Variants in FHL2 observed in about 807,000 individuals in gnomAD.
The protein encoded by FHL2 is four and a half LIM domains protein 2.
Under a neutral mutation model 32.7 loss-of-function variants are expected in FHL2, and 20 were observed. The observed-to-expected ratio is 0.61, with a 90% CI of 0.43 to 0.89. The LOEUF (loss-of-function observed/expected upper bound fraction) is 0.89, where lower values mean the gene tolerates loss of function less well. FHL2 is among the 40% of genes least tolerant of loss of function. FHL2 has a pLI of 0.00. For missense variants in FHL2, 311 were observed against 358.6 expected, an observed-to-expected ratio of 0.87 and a Z score of 1.07; for synonymous variants, 123 against 128.1, an observed-to-expected ratio of 0.96 and a Z score of 0.27.
At chr2:105,425,217 T>C (rs1249293161) in intron 1 of FHL2, among the ~76,000 whole-genome samples, 1 of 115,648 alleles carries the variant, frequency 8.6e-6, no homozygotes, top group Non-Finnish European at 1.7e-5. Context: ...AAACATGTGT[T>C]GTATAAAATC....
At chr2:105,363,550 A>G (rs766470646) in intron 5 of FHL2, 79 bp from the exon 6 acceptor site, 1 of 1,324,182 alleles carries the variant, frequency 7.6e-7, no homozygotes, top group Non-Finnish European at 1.0e-6. Context: ...CCACTGGACG[A>G]TGCAAGATCC....
intron 1 of FHL2, among the ~76,000 whole-genome samples, chr2:105,432,468 A>T (rs1397670167): frequency 6.6e-6 from 1 of 152,220 alleles, no homozygotes; most frequent in Non-Finnish European, 1.5e-5. Context: ...AAGGAAAGAG[A>T]CTATCCTCTC....
intron 1 of FHL2, among the ~76,000 whole-genome samples, chr2:105,397,525 TA>T (rs1218387827): frequency 2.6e-5 from 4 of 152,182 alleles, no homozygotes; most frequent in Non-Finnish European, 1.5e-5. Flanking sequence ...CGGCATCCCC[TA>T]GCCTACTGCA....
At chr2:105,408,394 T>TC (rs1341661486) in intron 1 of FHL2, among the ~76,000 whole-genome samples, 1 of 152,198 alleles carries the variant, frequency 6.6e-6, no homozygotes, top group East Asian at 1.9e-4. Flanking sequence ...AGTCATGTAA[T>TC]CCTAATGTTG....
rs150409196 is a variant in FHL2, at chr2:105,419,159, C to T, written c.-25+19240G>A. On this transcript the variant is annotated intron_variant, in intron 1 of 5. Coordinates refer to the FHL2 transcript ENST00000393352. ...CACTGGAGAATCAAAATATGCCAAACCAAAATATGTCACACCAGAATATGC... is the reference window on the plus strand; with the variant it reads ...CACTGGAGAATCAAAATATGCCAAATCAAAATATGTCACACCAGAATATGC... Among the ~76,000 whole-genome samples the T allele has an allele frequency of 2.1e-3, 314 of 152,272 alleles. 3 individuals carry two copies. Among genetic ancestry groups the T allele is most frequent in the African/African-American group, 7.2e-3 (299 of 41,566 alleles).
At chr2:105,364,448 C>T (rs1680496364) in intron 5 of FHL2, among the ~76,000 whole-genome samples, 1 of 152,192 alleles carries the variant, frequency 6.6e-6, no homozygotes, top group African/African-American at 2.4e-5. Context: ...AGCTGGATGC[C>T]TTCATTCTCA....
intron 5 of FHL2, among the ~76,000 whole-genome samples, chr2:105,366,107 G>A (rs1680614529): frequency 6.6e-6 from 1 of 152,062 alleles, no homozygotes; most frequent in African/African-American, 2.4e-5. Context: ...TACTTGGGAG[G>A]CTGAGGCAGG....
chr2:105,400,355 C>G (rs76276545), upstream of FHL2, among the ~76,000 whole-genome samples: 1 of 152,068 alleles, frequency 6.6e-6, no homozygotes, highest in African/African-American at 2.4e-5. Context: ...ACTAGATGTG[C>G]GGAATACAGC....
At chr2:105,423,481 G>C (rs543502237) in intron 1 of FHL2, among the ~76,000 whole-genome samples, 3 of 152,258 alleles carry the variant, frequency 2.0e-5, no homozygotes, top group Admixed American at 6.5e-5. Context: ...TTAGCTATTT[G>C]ATAGACAACA....
chr2:105,414,007 C>T (rs933526346), intron 1 of FHL2, among the ~76,000 whole-genome samples: 1 of 152,192 alleles, frequency 6.6e-6, no homozygotes, highest in East Asian at 1.9e-4. Context: ...ATGCCGCTTG[C>T]AAATAGTAGG....
chr2:105,381,953 C>T (rs1681929551), intron 3 of FHL2, among the ~76,000 whole-genome samples: 1 of 152,086 alleles, frequency 6.6e-6, no homozygotes, highest in Non-Finnish European at 1.5e-5. Flanking sequence ...GTTTTTCAAA[C>T]CTGACCTTAC....
At chr2:105,366,301 GAT>G (rs1190274299) in intron 5 of FHL2, among the ~76,000 whole-genome samples, 2 of 152,232 alleles carry the variant, frequency 1.3e-5, no homozygotes, top group African/African-American at 2.4e-5. Context: ...GCAAGGTGGG[GAT>G]ATTCTTGCCC....
chr2:105,388,320 G>A (rs997829852), intron 2 of FHL2, among the ~76,000 whole-genome samples: 13 of 152,212 alleles, frequency 8.5e-5, no homozygotes, highest in African/African-American at 1.7e-4. Flanking sequence ...GGATGAATAC[G>A]CAGTGTGAAT....
rs572779605 is a variant in FHL2, at chr2:105,365,664, G to A, written c.501+1906C>T. Among the ~76,000 whole-genome samples the A allele has an allele frequency of 7.5e-5, 11 of 146,700 alleles. 1 individual carries two copies. The South Asian group carries it at 1.9e-3, about 26-fold the overall frequency. ...AGTCTGGCCAACAAAGTGAGACACC[G>A]TCTCTACTACAAAAAAAAAAAAAAA... On this transcript the variant is annotated intron_variant, in intron 5 of 6. Transcript: ENST00000530340.
chr2:105,372,190 T>C (rs1290554882), intron 4 of FHL2, among the ~76,000 whole-genome samples: 5 of 151,780 alleles, frequency 3.3e-5, no homozygotes, highest in Admixed American at 6.6e-5. Context: ...GATTACCTCC[T>C]TGCCTTTTTA....
rs1481226091 is a variant in FHL2 at position 105,374,154 on chromosome 2, AC to A, written c.157-422del. 2.3e-5 allele frequency: 6 copies of A among 255,692 alleles called. No individual in the cohort carries two copies. In the Admixed American group the frequency reaches 2.5e-4, roughly 11 times the overall value. The allele number at this position is 255,692 out of a possible 1,614,324, so 15.8% of individuals were successfully genotyped here. On this transcript the variant is annotated intron_variant, in intron 3 of 6. Transcript: ENST00000530340. ...CTGCCCAACTCAGATCACTGTGGTC[AC>A]CGGCATGGCAGAGAGGCTCTGGGTG...
At chr2:105,367,845 C>A (rs1573289766) in intron 4 of FHL2, 106 bp from the exon 5 acceptor site, 61 of 1,123,328 alleles carry the variant, frequency 5.4e-5, no homozygotes, top group East Asian at 5.1e-4. Flanking sequence ...ATGACCAGAG[C>A]AAGCCACTTC....
chr2:105,392,387 T>C (rs931404711), intron 2 of FHL2, among the ~76,000 whole-genome samples: 10 of 152,030 alleles, frequency 6.6e-5, no homozygotes, highest in African/African-American at 2.4e-4. Flanking sequence ...GGTGGGAGGA[T>C]CTTGAGCCCA....
chr2:105,433,598 C>T (rs1052649991), intron 1 of FHL2, among the ~76,000 whole-genome samples: 4 of 152,148 alleles, frequency 2.6e-5, no homozygotes, highest in African/African-American at 9.7e-5. Flanking sequence ...CCTGTACTGC[C>T]TCTGTGCCCC....
Sources: gnomAD v4.1 joint callset for allele counts (sites outside exome capture counted in the v4.1 genomes callset) on GRCh38, gnomAD v4.1.1 for gene constraint, MANE v1.5 for transcripts, NCBI Gene and HGNC (gene_info 2026-07-23, HGNC 2026-07-21) for gene names.